Variants in FKBP5 observed in about 807,000 individuals in gnomAD.
FKBP5 encodes the protein peptidyl-prolyl cis-trans isomerase FKBP5.
In FKBP5, 23 loss-of-function variants were observed where a neutral mutation model predicts 50.5. The ratio of observed to expected loss-of-function variants is 0.46; its 90% CI spans 0.33 to 0.65. The LOEUF (loss-of-function observed/expected upper bound fraction) is 0.65. Among genes scored for constraint, FKBP5 ranks in the 30% least tolerant of loss-of-function variants. FKBP5 has a pLI of 0.02. For synonymous variants in FKBP5, 176 were observed against 190.6 expected (o/e 0.92, Z 0.63); for missense variants, 411 against 553.1 (o/e 0.74, Z 2.58).
At chr6:35,699,167 G>A (rs1431715349) in intron 2 of FKBP5, among the ~76,000 whole-genome samples, 1 of 152,196 alleles carries the variant, frequency 6.6e-6, no homozygotes, top group African/African-American at 2.4e-5. Context: ...TAGCTGTGAT[G>A]TTGGCAAGGG....
intron 3 of FKBP5, among the ~76,000 whole-genome samples, chr6:35,635,415 T>A (rs1384308949): frequency 6.6e-6 from 1 of 151,926 alleles, no homozygotes. Flanking sequence ...GAGGCTACAG[T>A]GAGCCGGCCC....
chr6:35,614,505 C>CTG (rs1763584628), intron 5 of FKBP5, among the ~76,000 whole-genome samples: 6 of 151,970 alleles, frequency 3.9e-5, no homozygotes, highest in African/African-American at 1.5e-4. Context: ...AATTGAGTAA[C>CTG]ATAATCACAT....
chr6:35,586,018 T>TG (rs1762587762), intron 8 of FKBP5: 1 of 985,286 alleles, frequency 1.0e-6, no homozygotes. Context: ...AGTACACTTA[T>TG]GCCTCACTGC....
rs1762585332 is a variant in FKBP5 at position 35,585,930 on chromosome 6, T to G, written c.840+1104A>C. On this transcript the variant is annotated intron_variant, in intron 8 of 10. Transcript: ENST00000357266. Reference sequence around the variant, plus strand: ...CTAGTTGTTTCATTTGGATTAACATTGCCACTCCTCCCTCCTGACAAGGTT... The same window carrying G: ...CTAGTTGTTTCATTTGGATTAACATGGCCACTCCTCCCTCCTGACAAGGTT... The G allele has an allele frequency of 6.1e-6, 6 of 984,502 alleles. No individual in the cohort carries two copies. The South Asian group carries it at 2.8e-4, about 46-fold the overall frequency. The allele number at this position is 984,502 out of a possible 1,614,324, so 61.0% of individuals were successfully genotyped here.
chr6:35,653,568 G>A (rs373838779), intron 1 of FKBP5, among the ~76,000 whole-genome samples: 6 of 152,216 alleles, frequency 3.9e-5, no homozygotes, highest in African/African-American at 7.2e-5. Context: ...GAGTGTCATC[G>A]CTTAGGAATG....
At chr6:35,691,247 G>C (rs1228528762), upstream of FKBP5, among the ~76,000 whole-genome samples, 1 of 152,116 alleles carries the variant, frequency 6.6e-6, no homozygotes, top group Non-Finnish European at 1.5e-5. Context: ...AGGCAGGGAA[G>C]GCGTCATTGA....
intron 5 of FKBP5, among the ~76,000 whole-genome samples, chr6:35,614,375 A>G (rs984622993): frequency 6.6e-6 from 1 of 152,186 alleles, no homozygotes; most frequent in Non-Finnish European, 1.5e-5. Context: ...CGTTTTTTAT[A>G]TAGTTTAAAA....
At position 35,597,289 on chromosome 6, in the gene FKBP5, T is replaced by C. The variant is rs762556407; in HGVS notation, c.624A>G (p.Lys208=). The C allele has an allele frequency of 1.9e-6, 3 of 1,614,152 alleles. No homozygotes were observed. The highest frequency in any genetic ancestry group is 1.7e-6 in the Non-Finnish European group (2 of 1,180,014). Residue 208 remains lysine (K), a synonymous_variant, in exon 6 of 11, where the codon AAA becomes AAG. Coordinates refer to ENST00000357266, the MANE Select transcript of FKBP5 (RefSeq NM_004117.4). ...AAATACATTGTTCTTCCCGCTGCAT[T>C]TTCTCCAGAGCTTTGTCAATTCCAA... ...IPIGIDKALE[K]MQREEQCILY...
chr6:35,621,637 G>A (rs1212906697), intron 3 of FKBP5, among the ~76,000 whole-genome samples: 1 of 143,158 alleles, frequency 7.0e-6, no homozygotes, highest in African/African-American at 2.6e-5. Context: ...AAAAAAAAAG[G>A]CTAAATGACA....
chr6:35,676,344 C>T (rs1407437264), intron 1 of FKBP5, among the ~76,000 whole-genome samples: 1 of 152,208 alleles, frequency 6.6e-6, no homozygotes. Flanking sequence ...TAACTAGGAA[C>T]AGCATATAAA....
At chr6:35,653,810 G>A (rs1764877575) in intron 1 of FKBP5, among the ~76,000 whole-genome samples, 2 of 152,170 alleles carry the variant, frequency 1.3e-5, no homozygotes, top group South Asian at 4.2e-4. Flanking sequence ...ATAAGCATCA[G>A]TTTCATTAAA....
Position 35,695,249 on chromosome 6 carries a change from C to T in FKBP5, c.-20+25079G>A, listed in dbSNP as rs150456373. ...CTTGATCTCAGCTCACTGCAACCTC[C>T]GCCTCCTGGGTTCAAGGGATTCTCA... On this transcript the variant is annotated intron_variant, in intron 2 of 11. Transcript: ENST00000536438. Among the ~76,000 whole-genome samples the T allele has an allele frequency of 4.7e-3, 709 of 152,280 alleles. 3 individuals are homozygous for T. Among genetic ancestry groups the T allele is most frequent in the Middle Eastern group, 0.024 (7 of 294 alleles).
At chr6:35,707,121 C>T (rs899598507) in intron 2 of FKBP5, among the ~76,000 whole-genome samples, 21 of 151,146 alleles carry the variant, frequency 1.4e-4, no homozygotes, top group African/African-American at 5.1e-4. Flanking sequence ...AAAAAGGACT[C>T]GTTTTTATTG....
At chr6:35,678,938 C>T (rs1352754427) in intron 1 of FKBP5, among the ~76,000 whole-genome samples, 15 of 152,172 alleles carry the variant, frequency 9.9e-5, no homozygotes, top group Non-Finnish European at 1.9e-4. Context: ...TAAAAATTAG[C>T]TGGTCATGGT....
At chr6:35,697,828 G>A (rs1050670435) in intron 2 of FKBP5, among the ~76,000 whole-genome samples, 2 of 152,114 alleles carry the variant, frequency 1.3e-5, no homozygotes, top group Non-Finnish European at 1.5e-5. Flanking sequence ...ACACATATGC[G>A]AATATACTAA....
chr6:35,709,876 G>GT (rs1554139567), intron 2 of FKBP5, among the ~76,000 whole-genome samples: 1 of 68,688 alleles, frequency 1.5e-5, no homozygotes, highest in East Asian at 4.5e-4. Flanking sequence ...CTGCTTTTAG[G>GT]TAAAAAAAAA....
chr6:35,683,788 A>T (rs1276707233), intron 1 of FKBP5, among the ~76,000 whole-genome samples: 1 of 151,942 alleles, frequency 6.6e-6, no homozygotes, highest in Non-Finnish European at 1.5e-5. Flanking sequence ...ATGGTGGCTC[A>T]CACCTGTAAT....
intron 8 of FKBP5, chr6:35,582,317 C>A (rs1369826183): frequency 2.0e-6 from 2 of 982,584 alleles, no homozygotes; most frequent in Admixed American, 6.2e-5. Flanking sequence ...TGAATTGTGT[C>A]CCCCATCCTA....
At chr6:35,722,112 G>A (rs761602741) in intron 1 of FKBP5, among the ~76,000 whole-genome samples, 6 of 151,812 alleles carry the variant, frequency 4.0e-5, no homozygotes, top group Non-Finnish European at 8.8e-5. Flanking sequence ...ACACTCCATC[G>A]CATCCCTATT....
Sources: allele counts gnomAD v4.1 joint callset (sites outside exome capture counted in the v4.1 genomes callset), GRCh38; gene constraint gnomAD v4.1.1; transcripts MANE v1.5; gene names NCBI Gene and HGNC (gene_info 2026-07-23, HGNC 2026-07-21).